Variants in LRRTM1 observed in about 807,000 individuals in gnomAD.
The protein encoded by LRRTM1 is leucine-rich repeat transmembrane neuronal protein 1.
Under a neutral mutation model 37.3 loss-of-function variants are expected in LRRTM1, and 8 were observed. The observed-to-expected ratio is 0.21, with a 90% confidence interval of 0.13 to 0.39. The LOEUF (loss-of-function observed/expected upper bound fraction) is 0.39. Ranked by LOEUF, LRRTM1 falls within the 10% of genes least tolerant of loss-of-function variation. The pLI, the probability that LRRTM1 is intolerant of heterozygous loss-of-function variation, is 1.00. For synonymous variants in LRRTM1, 326 were observed against 316.8 expected (o/e 1.03, Z -0.31); for missense variants, 557 against 691.0 (o/e 0.81, Z 2.17).
downstream of LRRTM1, among the ~76,000 whole-genome samples, chr2:80,299,927 C>T (rs561980083): frequency 1.3e-5 from 2 of 152,136 alleles, no homozygotes; most frequent in Non-Finnish European, 2.9e-5. Context: ...GTTAAGTTCA[C>T]GGAATCCAAG....
chr2:80,303,505 C>A lies in LRRTM1; in HGVS notation c.315G>T (p.Gln105His). 2 of 1,614,242 alleles carry A rather than the reference C, an allele frequency of 1.2e-6. No individual in the cohort carries two copies. Among genetic ancestry groups the A allele is most frequent in the South Asian group, 2.2e-5 (2 of 91,090 alleles). ...YLDHNHICSVQGDAFQKLRRV... is the reference protein window; with the variant it reads ...YLDHNHICSVHGDAFQKLRRV... ...GGCGCAGTTTCTGAAAGGCGTCCCC[C>A]TGCACGGAGCAGATGTGATTGTGAT... The change falls in exon 2 of 2, where the codon CAG becomes CAT. Residue 105 changes from glutamine (Q) to histidine (H), a missense_variant. Gln to His is a conservative substitution (Grantham distance 24). This residue lies in a region of LRRTM1 where 140 missense variants were observed against 138.1 expected (regional missense o/e 1.01). Coordinates refer to ENST00000295057, the MANE Select transcript of LRRTM1 (RefSeq NM_178839.5). The surrounding 1 kb of genome is among the most constrained non-coding windows in gnomAD (Gnocchi z 7.7).
In LRRTM1 at chr2:80,302,984, A is replaced by G; in HGVS notation, c.836T>C (p.Val279Ala). The G allele has an allele frequency of 6.2e-7, 1 of 1,613,390 alleles. No homozygotes were observed. Among genetic ancestry groups the G allele is most frequent in the Middle Eastern group, 1.6e-4 (1 of 6,062 alleles). ...EYMEPHVFET[V>A]PHLQSLQLDS... ...CAGCTGCAGGGACTGCAGGTGCGGCACGGTCTCGAACACATGGGGCTCCAT... is the reference window on the plus strand; with the variant it reads ...CAGCTGCAGGGACTGCAGGTGCGGCGCGGTCTCGAACACATGGGGCTCCAT... Residue 279 changes from valine (V) to alanine (A), a missense_variant, in exon 2 of 2, where the codon GTG becomes GCG. Physicochemically the swap from Val to Ala is moderately conservative, Grantham distance 64 (BLOSUM62 0). Transcript: ENST00000295057. This position sits in a 1 kb window ranked among gnomAD's most constrained non-coding sequence, Gnocchi z 6.4.
chr2:80,298,195 T>C (rs1256244591), downstream of LRRTM1: 2 of 152,094 alleles, frequency 1.3e-5, no homozygotes, highest in East Asian at 3.9e-4. Flanking sequence ...ATTCTAAACC[T>C]ATCTCAAAAT....
chr2:80,289,537 T>C (rs1380035262), intron 2 of LRRTM1, among the ~76,000 whole-genome samples: 1 of 152,222 alleles, frequency 6.6e-6, no homozygotes. Flanking sequence ...CCTGAGGCTA[T>C]TTTTATAAAC....
downstream of LRRTM1, chr2:80,298,267 T>G (rs2149196569): frequency 6.6e-6 from 1 of 152,294 alleles, no homozygotes; most frequent in Non-Finnish European, 1.5e-5. Context: ...TGACATTCTG[T>G]CAATGGCAGA....
At position 80,303,587 on chromosome 2, in the gene LRRTM1, G is replaced by A. The variant is rs1676589169; in HGVS notation, c.233C>T (p.Ser78Leu). Residue 78 changes from serine to leucine, a missense_variant, in exon 2 of 2, where the codon TCG becomes TTG. By Grantham distance (145) the Ser-to-Leu change is moderately radical. Coordinates refer to ENST00000295057, the MANE Select transcript of LRRTM1 (RefSeq NM_178839.5). This position sits in a 1 kb window ranked among gnomAD's most constrained non-coding sequence, Gnocchi z 7.7. Reference protein sequence around the residue: ...LGLSLRYNSLSELRAGQFTGL... With the variant: ...LGLSLRYNSLLELRAGQFTGL... ...CGTGAACTGGCCGGCGCGCAGCTCC[G>A]AGAGGCTGTTGTAGCGCAGGGACAA... The A allele has an allele frequency of 1.9e-6, 3 of 1,614,198 alleles. No homozygotes were observed. In the Admixed American group the frequency reaches 5.0e-5, roughly 27 times the overall value.
chr2:80,290,121 GGATT>G (rs1675109789), intron 2 of LRRTM1, among the ~76,000 whole-genome samples: 1 of 152,176 alleles, frequency 6.6e-6, no homozygotes, highest in Non-Finnish European at 1.5e-5. Context: ...GGCTGAGCAA[GGATT>G]GTTTTCTGAA....
chr2:80,291,374 G>A (rs1327324567), intron 2 of LRRTM1, among the ~76,000 whole-genome samples: 1 of 152,228 alleles, frequency 6.6e-6, no homozygotes, highest in Non-Finnish European at 1.5e-5. Flanking sequence ...GGTCTGGACA[G>A]GTGGAACCAA....
At chr2:80,300,284 GTGTGTGTGTGTGTGTGT>G (rs1676154293), downstream of LRRTM1, among the ~76,000 whole-genome samples, 2 of 12,090 alleles carry the variant, frequency 1.7e-4, no homozygotes, top group South Asian at 5.0e-3. Flanking sequence ...GTGTTGGGGT[GTGTGTGTGTGTGTGTGT>G]GTGTGTGTGT....
chr2:80,293,352 T>G (rs1421766573), intron 2 of LRRTM1, among the ~76,000 whole-genome samples: 1 of 152,212 alleles, frequency 6.6e-6, no homozygotes, highest in Non-Finnish European at 1.5e-5. Flanking sequence ...CTGCTACACA[T>G]AGTTTGCAAT....
At position 80,302,008 on chromosome 2, in the gene LRRTM1, A is replaced by G. The variant is rs779175521; in HGVS notation, c.*243T>C. Reference sequence around the variant, plus strand: ...TTCAAAGGGAGGAAGGAGTTCTCATATGAAATTTAAGATAGACTGTCCTGA... The same window carrying G: ...TTCAAAGGGAGGAAGGAGTTCTCATGTGAAATTTAAGATAGACTGTCCTGA... On this transcript the variant is annotated 3_prime_UTR_variant, in exon 2 of 2. Transcript: ENST00000295057. This position sits in a 1 kb window ranked among gnomAD's most constrained non-coding sequence, Gnocchi z 6.4. 46 of 432,216 alleles carry G rather than the reference A, an allele frequency of 1.1e-4. No homozygotes were observed. Among genetic ancestry groups the G allele is most frequent in the Non-Finnish European group, 1.7e-4 (41 of 248,064 alleles). 26.8% of individuals were successfully genotyped at this position (432,216 alleles called of 1,614,324 possible).
At chr2:80,296,371 T>C (rs949179357) in intron 2 of LRRTM1, among the ~76,000 whole-genome samples, 24 of 152,222 alleles carry the variant, frequency 1.6e-4, no homozygotes, top group African/African-American at 5.8e-4. Flanking sequence ...CACTGTTAAC[T>C]TGATTTTTTT....
At chr2:80,301,808 A>G (rs1194462178), downstream of LRRTM1, 1 of 153,540 alleles carries the variant, frequency 6.5e-6, no homozygotes, top group African/African-American at 2.4e-5. Flanking sequence ...CCCACCCACC[A>G]AGGAAATTTT....
chr2:80,303,082 G>T lies in LRRTM1; in HGVS notation c.738C>A (p.Ala246=). 6.2e-7 allele frequency: 1 copy of T among 1,614,034 alleles called. No individual in the cohort carries two copies. Among genetic ancestry groups the T allele is most frequent in the Admixed American group, 1.7e-5 (1 of 60,004 alleles). ...HSLCLRRNKV[A]IVVSSLDWVW... ...CCCAGTCCAGCGAGCTGACCACAAT[G>T]GCCACCTTGTTCCTCCGCAGGCAGA... Residue 246 remains alanine (A), a synonymous_variant, in exon 2 of 2, where the codon GCC becomes GCA. Coordinates refer to ENST00000295057, the MANE Select transcript of LRRTM1 (RefSeq NM_178839.5). This position sits in a 1 kb window ranked among gnomAD's most constrained non-coding sequence, Gnocchi z 7.7.
downstream of LRRTM1, among the ~76,000 whole-genome samples, chr2:80,301,673 A>T (rs143182234): frequency 3.3e-5 from 5 of 152,278 alleles, no homozygotes; most frequent in African/African-American, 1.2e-4. Context: ...TAGTCCTTAC[A>T]CATGTGGAGT....
At chr2:80,300,284 GTGTGTGT>G (rs1558981548), downstream of LRRTM1, among the ~76,000 whole-genome samples, 342 of 12,082 alleles carry the variant, frequency 0.028, no homozygotes, top group Admixed American at 0.045. Flanking sequence ...GTGTTGGGGT[GTGTGTGT>G]GTGTGTGTGT....
downstream of LRRTM1, chr2:80,298,994 G>A (rs1676004706): frequency 6.6e-6 from 1 of 152,124 alleles, no homozygotes; most frequent in Admixed American, 6.5e-5. Flanking sequence ...CATTTGTCAT[G>A]TGAAAAGACT....
rs1433434098 is a variant in LRRTM1 at position 80,303,887 on chromosome 2, T to C, written c.-59-9A>G. On this transcript the variant is annotated splice_polypyrimidine_tract_variant and intron_variant, in intron 1 of 1. Coordinates refer to ENST00000295057, the MANE Select transcript of LRRTM1 (RefSeq NM_178839.5). The surrounding 1 kb of genome is among the most constrained non-coding windows in gnomAD (Gnocchi z 7.7). ...AGCGCTCGGTCAGAAATCTACATCA[T>C]ATTTTATTCCGAGGGAGGGGAAGCG... is the stretch of plus-strand genomic sequence containing the variant. 4 of 1,439,208 alleles carry C rather than the reference T, an allele frequency of 2.8e-6. No individual in the cohort carries two copies. In the African/African-American group the frequency reaches 4.3e-5, roughly 15 times the overall value. 89.2% of individuals were successfully genotyped at this position (1,439,208 alleles called of 1,614,324 possible).
Position 80,302,994 on chromosome 2 carries a change from A to G in LRRTM1, c.826T>C (p.Phe276Leu). Residue 276 changes from phenylalanine to leucine, a missense_variant, in exon 2 of 2, where the codon TTC (phenylalanine) becomes CTC (leucine). Phe to Leu is a conservative substitution (Grantham distance 22). Transcript: ENST00000295057. This position sits in a 1 kb window ranked among gnomAD's most constrained non-coding sequence, Gnocchi z 6.4. The stretch of plus-strand genomic sequence containing the variant: ...GACTGCAGGTGCGGCACGGTCTCGA[A>G]CACATGGGGCTCCATGTACTCGATC... Reference protein sequence around the residue: ...NEIEYMEPHVFETVPHLQSLQ... With the variant: ...NEIEYMEPHVLETVPHLQSLQ... 2 of 1,611,174 alleles carry G rather than the reference A, an allele frequency of 1.2e-6. No individual in the cohort carries two copies. Among genetic ancestry groups the G allele is most frequent in the Non-Finnish European group, 1.7e-6 (2 of 1,179,558 alleles).
Sources: allele counts gnomAD v4.1 joint callset (sites outside exome capture counted in the v4.1 genomes callset), GRCh38; gene constraint gnomAD v4.1.1; regional missense constraint gnomAD v4.1.1; non-coding constraint Gnocchi (gnomAD v3.1); transcripts MANE v1.5; gene names NCBI Gene and HGNC (gene_info 2026-07-23, HGNC 2026-07-21).